The following RIMS2 variants were observed in gnomAD, a reference collection of about 807,000 sequenced individuals.
RIMS2 encodes the protein regulating synaptic membrane exocytosis 2.
In RIMS2, 59 loss-of-function variants were observed where a neutral mutation model predicts 174.4. That is an observed-to-expected ratio of 0.34 (90% CI 0.27 to 0.42). RIMS2 has a LOEUF of 0.42. Ranked by LOEUF, RIMS2 falls within the 10% of genes least tolerant of loss-of-function variation. RIMS2 has a pLI of 1.00. For missense variants in RIMS2, 1,620 were observed against 1,666.3 expected (o/e 0.97, Z 0.48); for synonymous variants, 606 against 572.5 (o/e 1.06, Z -0.84).
At chr8:104,158,295 T>C (rs2098737886) in intron 19 of RIMS2, among the ~76,000 whole-genome samples, 1 of 152,190 alleles carries the variant, frequency 6.6e-6, no homozygotes, top group African/African-American at 2.4e-5. Context: ...TCCAGTCTAT[T>C]ATTGATGGAC....
intron 1 of RIMS2, among the ~76,000 whole-genome samples, chr8:103,606,012 C>T (rs1217963323): frequency 2.7e-5 from 4 of 145,700 alleles, no homozygotes; most frequent in Non-Finnish European, 4.5e-5. Flanking sequence ...CAGTTCTGCT[C>T]TGATTTTAGT....
At chr8:103,524,761 C>G (rs1413147471) in intron 1 of RIMS2, among the ~76,000 whole-genome samples, 1 of 152,118 alleles carries the variant, frequency 6.6e-6, no homozygotes, top group Non-Finnish European at 1.5e-5. Flanking sequence ...CTGCAGTCAC[C>G]CATTGCTACC....
At chr8:104,136,686 C>G (rs1485245225) in intron 19 of RIMS2, among the ~76,000 whole-genome samples, 1 of 152,048 alleles carries the variant, frequency 6.6e-6, no homozygotes, top group Non-Finnish European at 1.5e-5. Flanking sequence ...CCTTAGCAAA[C>G]TAACACAGGA....
chr8:104,234,915 G>A (rs1251656686), intron 19 of RIMS2, among the ~76,000 whole-genome samples: 1 of 152,146 alleles, frequency 6.6e-6, no homozygotes, highest in Non-Finnish European at 1.5e-5. Context: ...CCTATTGACA[G>A]CTATGGTATA....
intron 19 of RIMS2, among the ~76,000 whole-genome samples, chr8:104,101,241 C>G (rs2097893038): frequency 6.6e-6 from 1 of 151,516 alleles, no homozygotes; most frequent in African/African-American, 2.4e-5. Flanking sequence ...GTTCTCCTGC[C>G]TCAGCCTCCC....
intron 1 of RIMS2, among the ~76,000 whole-genome samples, chr8:103,591,496 T>C (rs1316552274): frequency 6.6e-6 from 1 of 151,242 alleles, no homozygotes; most frequent in Non-Finnish European, 1.5e-5. Flanking sequence ...TACCTCTAAA[T>C]ATTACAGATA....
intron 19 of RIMS2, among the ~76,000 whole-genome samples, chr8:104,044,250 G>A (rs923862046): frequency 2.0e-5 from 3 of 151,650 alleles, no homozygotes; most frequent in Non-Finnish European, 4.4e-5. Context: ...AAGAATTAGA[G>A]AAAGAAGCTC....
At chr8:103,766,624 A>AACTCACCATTGCCT in intron 3 of RIMS2, 87 bp downstream of exon 6, 2 of 863,212 alleles carry the variant, frequency 2.3e-6, no homozygotes, top group Non-Finnish European at 3.6e-6. Context: ...ATGTTTAGGC[A>AACTCACCATTGCCT]ATGGTGAGTT....
intron 19 of RIMS2, among the ~76,000 whole-genome samples, chr8:104,034,955 A>C (rs972061853): frequency 6.2e-4 from 92 of 148,400 alleles, no homozygotes; most frequent in African/African-American, 2.1e-3. Flanking sequence ...ATTACCACAC[A>C]AAAAAGTAGT....
intron 1 of RIMS2, among the ~76,000 whole-genome samples, chr8:103,591,158 T>C (rs760951385): frequency 2.0e-5 from 3 of 151,110 alleles, no homozygotes; most frequent in Non-Finnish European, 4.5e-5. Flanking sequence ...CCTTGGTGAC[T>C]AAAGATGTTA....
At chr8:103,800,237 T>C (rs2098597271) in intron 3 of RIMS2, among the ~76,000 whole-genome samples, 1 of 152,072 alleles carries the variant, frequency 6.6e-6, no homozygotes, top group Non-Finnish European at 1.5e-5. Context: ...TTTTTTTAGG[T>C]TTTTTGGCAT....
chr8:103,586,690 A>C (rs575129214), intron 1 of RIMS2, among the ~76,000 whole-genome samples: 1 of 152,140 alleles, frequency 6.6e-6, no homozygotes, highest in Non-Finnish European at 1.5e-5. Context: ...GAACTAGAAA[A>C]GCAAGAGCAC....
intron 19 of RIMS2, among the ~76,000 whole-genome samples, chr8:104,190,207 T>C (rs2098990496): frequency 6.6e-6 from 1 of 151,924 alleles, no homozygotes; most frequent in African/African-American, 2.4e-5. Flanking sequence ...GAGACTGAGG[T>C]GGGAGAATCA....
intron 1 of RIMS2, among the ~76,000 whole-genome samples, chr8:103,544,666 G>C (rs545075985): frequency 6.6e-6 from 1 of 152,354 alleles, no homozygotes; most frequent in African/African-American, 2.4e-5. Context: ...GCAGATTAGG[G>C]TTAAGGTGGC....
At chr8:103,556,298 T>C (rs573460973) in intron 1 of RIMS2, among the ~76,000 whole-genome samples, 100 of 152,316 alleles carry the variant, frequency 6.6e-4, no homozygotes, top group Middle Eastern at 3.4e-3. Context: ...ACCATGAATA[T>C]ATACAATTTA....
At chr8:103,720,661 T>C (rs2097434604) in intron 2 of RIMS2, among the ~76,000 whole-genome samples, 1 of 152,170 alleles carries the variant, frequency 6.6e-6, no homozygotes, top group Admixed American at 6.5e-5. Flanking sequence ...ACTAGGAAAT[T>C]AGACAAACAT....
chr8:104,041,888 T>C (rs2096615516), intron 19 of RIMS2, among the ~76,000 whole-genome samples: 1 of 151,572 alleles, frequency 6.6e-6, no homozygotes, highest in African/African-American at 2.4e-5. Context: ...TCTGACAATA[T>C]ATTCTACAGA....
rs1325911053 is a variant in RIMS2 at position 103,784,579 on chromosome 8, A to T, written c.698+18042A>T. On this transcript the variant is annotated intron_variant, in intron 3 of 23. Transcript: ENST00000504942. ...GGTTTGTCAAAGATCAGATAGTTGTAGATATGCGGCGTTATTTCTGAGGGC... is the reference window on the plus strand; with the variant it reads ...GGTTTGTCAAAGATCAGATAGTTGTTGATATGCGGCGTTATTTCTGAGGGC... 3.2e-4 allele frequency among the ~76,000 whole-genome samples: 21 copies of T among 64,706 alleles called. 1 individual carries two copies. In the South Asian group the frequency reaches 7.7e-3, roughly 24 times the overall value. The allele number at this position is 64,706 out of a possible 152,430, so 42.4% of individuals were successfully genotyped here. A position where few individuals can be genotyped will look rare whatever the true frequency, so the allele number is the denominator to read the frequency against.
intron 19 of RIMS2, among the ~76,000 whole-genome samples, chr8:104,229,913 C>T (rs1312285747): frequency 6.6e-6 from 1 of 152,178 alleles, no homozygotes; most frequent in African/African-American, 2.4e-5. Flanking sequence ...TTGTGAGCTT[C>T]GTAGACATCA....
Sources: gnomAD v4.1 joint callset for allele counts (sites outside exome capture counted in the v4.1 genomes callset) on GRCh38, gnomAD v4.1.1 for gene constraint, MANE v1.5 for transcripts, NCBI Gene and HGNC (gene_info 2026-07-23, HGNC 2026-07-21) for gene names.